LRP1B: variants seen among roughly 807,000 people sequenced by gnomAD.
The protein encoded by LRP1B is low-density lipoprotein receptor-related protein 1B.
LRP1B carries 217 observed loss-of-function variants against 556.6 expected under a neutral mutation model. The observed-to-expected ratio is 0.39, with a 90% CI of 0.35 to 0.44. The LOEUF is 0.44. LRP1B is among the 20% of genes least tolerant of loss of function. The pLI, the probability that LRP1B is intolerant of heterozygous loss-of-function variation, is 1.00. For missense variants in LRP1B, 5,053 were observed against 5,620.8 expected, an observed-to-expected ratio of 0.90 and a Z score of 3.23; for synonymous variants, 2,047 against 1,865.8, an observed-to-expected ratio of 1.10 and a Z score of -2.50.
At chr2:141,228,481 GGT>G (rs1019588379) in intron 6 of LRP1B, among the ~76,000 whole-genome samples, 3 of 147,860 alleles carry the variant, frequency 2.0e-5, no homozygotes, top group African/African-American at 7.5e-5. Flanking sequence ...TGCATCTCTG[GGT>G]GTGTGTGTGT....
At chr2:140,307,950 C>CACAATATAGCAATTGCTACATTA (rs1684135282) in intron 83 of LRP1B, among the ~76,000 whole-genome samples, 1 of 151,708 alleles carries the variant, frequency 6.6e-6, no homozygotes, top group Non-Finnish European at 1.5e-5. Context: ...ATAGAGCATT[C>CACAATATAGCAATTGCTACATTA]ACAATATAGC....
At chr2:141,843,651 A>G (rs1697549865) in intron 1 of LRP1B, among the ~76,000 whole-genome samples, 1 of 152,178 alleles carries the variant, frequency 6.6e-6, no homozygotes, top group Non-Finnish European at 1.5e-5. Flanking sequence ...TTTTATAATT[A>G]TTAACTTAAA....
intron 2 of LRP1B, among the ~76,000 whole-genome samples, chr2:141,691,465 A>AAC (rs10522926): frequency 0.043 from 5,792 of 133,214 alleles, 192 homozygotes; most frequent in Non-Finnish European, 0.059. Flanking sequence ...GTAATCAGCC[A>AAC]ACACACACAC....
Position 140,882,762 on chromosome 2 carries a change from A to C in LRP1B, c.4169+1055T>G, listed in dbSNP as rs946117022. Among the ~76,000 whole-genome samples, 30 of 152,156 alleles carry C rather than the reference A, an allele frequency of 2.0e-4. 1 individual carries two copies. The highest frequency in any genetic ancestry group is 2.0e-4 in the Admixed American group (3 of 15,266). ...GTCAGAAGGTGTGGCCAGGAGGCCG[A>C]CTTAGACATCGCCTGGCTTTTCTCT... On this transcript the variant is annotated intron_variant, in intron 25 of 90. Transcript: ENST00000389484.
intron 41 of LRP1B, among the ~76,000 whole-genome samples, chr2:140,647,923 G>A (rs1421905689): frequency 1.3e-5 from 2 of 152,130 alleles, no homozygotes; most frequent in African/African-American, 4.8e-5. Context: ...ATTTGACCCA[G>A]TGATCTCATT....
chr2:141,421,727 C>A (rs1394216822), intron 3 of LRP1B, among the ~76,000 whole-genome samples: 1 of 151,710 alleles, frequency 6.6e-6, no homozygotes. Context: ...GATTAAGTGT[C>A]TTTTGCTAGA....
chr2:141,903,549 T>C (rs778180443), intron 1 of LRP1B, among the ~76,000 whole-genome samples: 3 of 151,986 alleles, frequency 2.0e-5, no homozygotes, highest in Admixed American at 6.6e-5. Flanking sequence ...AGTTAATATT[T>C]TAACATCTGT....
chr2:140,523,127 A>G (rs891273807), intron 49 of LRP1B, among the ~76,000 whole-genome samples: 8 of 152,014 alleles, frequency 5.3e-5, no homozygotes, highest in Non-Finnish European at 1.2e-4. Flanking sequence ...TAATGAACAT[A>G]GGAACAAAAA....
intron 2 of LRP1B, among the ~76,000 whole-genome samples, chr2:141,490,260 G>A (rs1004310832): frequency 3.3e-5 from 5 of 151,972 alleles, no homozygotes; most frequent in Non-Finnish European, 7.4e-5. Context: ...TATGACCAAA[G>A]TACCGATGGT....
chr2:140,689,151 T>C (rs1264324670), intron 41 of LRP1B, among the ~76,000 whole-genome samples: 1 of 152,214 alleles, frequency 6.6e-6, no homozygotes, highest in Non-Finnish European at 1.5e-5. Flanking sequence ...TCATATTCTA[T>C]ATATGAGTCC....
At chr2:140,456,392 C>A (rs1009954972) in intron 62 of LRP1B, 63 bp downstream of exon 62, 23 of 1,485,966 alleles carry the variant, frequency 1.5e-5, no homozygotes, top group Non-Finnish European at 1.9e-5. Context: ...CAATGTTATG[C>A]TAAACAAAAG....
chr2:142,114,436 G>A (rs1181389070), intron 1 of LRP1B, among the ~76,000 whole-genome samples: 2 of 152,046 alleles, frequency 1.3e-5, no homozygotes, highest in Non-Finnish European at 2.9e-5. Context: ...TAAAAGAAAA[G>A]AAATCAGCAT....
At chr2:141,985,141 GA>G (rs1702149907) in intron 1 of LRP1B, among the ~76,000 whole-genome samples, 2 of 152,100 alleles carry the variant, frequency 1.3e-5, no homozygotes, top group Non-Finnish European at 2.9e-5. Flanking sequence ...ACAAACTCTG[GA>G]AAGAAGTTGA....
intron 60 of LRP1B, among the ~76,000 whole-genome samples, chr2:140,472,763 A>G (rs1687821965): frequency 6.6e-6 from 1 of 152,076 alleles, no homozygotes; most frequent in African/African-American, 2.4e-5. Flanking sequence ...AGAATACCCA[A>G]CTTTTTAAAC....
At chr2:141,162,991 T>C (rs1364043689) in intron 7 of LRP1B, among the ~76,000 whole-genome samples, 3 of 152,072 alleles carry the variant, frequency 2.0e-5, no homozygotes, top group African/African-American at 4.8e-5. Flanking sequence ...TCTCAACCAA[T>C]GGAGGAAAGA....
intron 43 of LRP1B, among the ~76,000 whole-genome samples, chr2:140,581,486 A>G (rs1681760670): frequency 6.7e-6 from 1 of 149,158 alleles, no homozygotes; most frequent in Non-Finnish European, 1.5e-5. Context: ...AGGCTTTGTT[A>G]TTTTTTTTTT....
At chr2:142,127,066 C>A (rs762695633) in intron 1 of LRP1B, among the ~76,000 whole-genome samples, 29 of 151,068 alleles carry the variant, frequency 1.9e-4, no homozygotes, top group Non-Finnish European at 3.4e-4. Context: ...TCATCTAGCA[C>A]CCTTTCTAAG....
intron 1 of LRP1B, among the ~76,000 whole-genome samples, chr2:141,892,855 G>A (rs1242180973): frequency 1.3e-5 from 2 of 152,136 alleles, no homozygotes; most frequent in African/African-American, 2.4e-5. Flanking sequence ...ATTCACATAT[G>A]TGTGAAATTT....
At chr2:141,465,834 C>G (rs62168040) in intron 3 of LRP1B, among the ~76,000 whole-genome samples, 58,220 of 151,738 alleles carry the variant, frequency 0.38, 11,356 homozygotes, top group Non-Finnish European at 0.42. Flanking sequence ...GTGTGAGCCA[C>G]TGTGCCTGGC....
Sources: gnomAD v4.1 joint callset for allele counts (sites outside exome capture counted in the v4.1 genomes callset) on GRCh38, gnomAD v4.1.1 for gene constraint, MANE v1.5 for transcripts, NCBI Gene and HGNC (gene_info 2026-07-23, HGNC 2026-07-21) for gene names.